Variants in OSBP2 observed in about 807,000 individuals in gnomAD.
The protein encoded by OSBP2 is oxysterol binding protein 2, also known as oxysterol-binding protein 2.
A neutral mutation model predicts 96.0 loss-of-function variants in OSBP2; 66 were observed. The ratio of observed to expected loss-of-function variants is 0.69; its 90% CI spans 0.56 to 0.84. The LOEUF (loss-of-function observed/expected upper bound fraction) is 0.84. OSBP2 is among the 40% of genes least tolerant of loss of function. The probability of loss-of-function intolerance (pLI) is 0.00; values close to 1 mark genes in which losing one functional copy is unlikely to be tolerated. For synonymous variants in OSBP2, 525 were observed against 520.9 expected, an observed-to-expected ratio of 1.01 and a Z score of -0.11; for missense variants, 1,038 against 1,222.7, an observed-to-expected ratio of 0.85 and a Z score of 2.25.
At chr22:30,887,363 G>A in intron 3 of OSBP2, 63 bp from the exon 4 acceptor site, 3 of 1,434,398 alleles carry the variant, frequency 2.1e-6, no homozygotes, top group Admixed American at 1.7e-5. Flanking sequence ...TGGTTCACAT[G>A]CCTCTGACAG....
intron 2 of OSBP2, among the ~76,000 whole-genome samples, chr22:30,745,712 T>G (rs1000115237): frequency 9.3e-6 from 1 of 107,364 alleles, no homozygotes; most frequent in Admixed American, 9.1e-5. Context: ...GTAAATGAAA[T>G]AGAGAATAGA....
At chr22:30,875,641 A>G (rs1045018932) in intron 3 of OSBP2, among the ~76,000 whole-genome samples, 2 of 152,032 alleles carry the variant, frequency 1.3e-5, no homozygotes, top group African/African-American at 4.8e-5. Flanking sequence ...CAAAGTGCTG[A>G]GATTACAGGA....
intron 2 of OSBP2, among the ~76,000 whole-genome samples, chr22:30,816,012 G>A (rs1699996410): frequency 6.6e-6 from 1 of 152,100 alleles, no homozygotes; most frequent in African/African-American, 2.4e-5. Flanking sequence ...ACAGCGCCTT[G>A]ATGAACTGAA....
intron 3 of OSBP2, among the ~76,000 whole-genome samples, chr22:30,883,065 T>C (rs557209761): frequency 9.9e-5 from 15 of 152,254 alleles, no homozygotes; most frequent in African/African-American, 3.6e-4. Flanking sequence ...TGAGAACTTG[T>C]GGATGGAGAG....
chr22:30,779,583 T>G (rs1365809553), intron 2 of OSBP2, among the ~76,000 whole-genome samples: 1 of 152,172 alleles, frequency 6.6e-6, no homozygotes, highest in Non-Finnish European at 1.5e-5. Context: ...AGCACATTCC[T>G]GCCTCAGCCA....
At chr22:30,793,177 G>A (rs762924624) in intron 2 of OSBP2, among the ~76,000 whole-genome samples, 1 of 150,494 alleles carries the variant, frequency 6.6e-6, no homozygotes, top group African/African-American at 2.4e-5. Flanking sequence ...ATCACTTGAG[G>A]TCAGGAGTTC....
At chr22:30,902,156 A>AAAAAT in intron 12 of OSBP2, 1 of 432,838 alleles carries the variant, frequency 2.3e-6, no homozygotes. Flanking sequence ...AAAAAAACAG[A>AAAAAT]GGGTCCCACG....
intron 2 of OSBP2, among the ~76,000 whole-genome samples, chr22:30,763,159 G>A (rs1184451762): frequency 6.6e-6 from 1 of 152,180 alleles, no homozygotes; most frequent in African/African-American, 2.4e-5. Context: ...AGAGATCTTG[G>A]CACACGGCTT....
chr22:30,745,774 T>C (rs2145746898), intron 2 of OSBP2, among the ~76,000 whole-genome samples: 1 of 151,524 alleles, frequency 6.6e-6, no homozygotes. Context: ...TTGAAAAGAC[T>C]GACGTAGTTG....
chr22:30,865,655 A>AAAAAG (rs1569156468), intron 2 of OSBP2, among the ~76,000 whole-genome samples: 1 of 149,186 alleles, frequency 6.7e-6, no homozygotes, highest in African/African-American at 2.4e-5. Flanking sequence ...AAAAAAAAAA[A>AAAAAG]AGACAGTTTT....
rs148039886 is a variant in OSBP2, at chr22:30,709,353, A to G, written c.644+13800A>G. ...TGGCATTTTCTTGGTGTAGGTTAAC[A>G]TGTTCCTCTCTCCTCTGTAAGGTCT... On this transcript the variant is annotated intron_variant, in intron 1 of 13. Transcript: ENST00000332585. Among the ~76,000 whole-genome samples, 291 of 152,166 alleles carry G rather than the reference A, an allele frequency of 1.9e-3. 3 individuals carry two copies. The highest frequency in any genetic ancestry group is 6.8e-3 in the African/African-American group (282 of 41,534).
chr22:30,756,803 A>T (rs2090146299), intron 2 of OSBP2, among the ~76,000 whole-genome samples: 1 of 152,162 alleles, frequency 6.6e-6, no homozygotes, highest in Non-Finnish European at 1.5e-5. Context: ...CACTCAGCTG[A>T]CGGAAGTAAC....
intron 2 of OSBP2, among the ~76,000 whole-genome samples, chr22:30,781,279 GC>G (rs1035308607): frequency 3.3e-5 from 5 of 151,932 alleles, no homozygotes; most frequent in African/African-American, 9.7e-5. Context: ...ACCACACCCG[GC>G]CGATGTTTTT....
intron 2 of OSBP2, among the ~76,000 whole-genome samples, chr22:30,741,782 C>T (rs1220122203): frequency 6.6e-6 from 1 of 152,132 alleles, no homozygotes; most frequent in African/African-American, 2.4e-5. Context: ...GAAGCCCGCT[C>T]AGATGTCCTG....
intron 2 of OSBP2, among the ~76,000 whole-genome samples, chr22:30,786,042 G>GTGTGTT (rs1417017603): frequency 6.6e-6 from 1 of 151,856 alleles, no homozygotes; most frequent in Non-Finnish European, 1.5e-5. Context: ...GTGTGTGTGT[G>GTGTGTT]TACAGAAGTC....
intron 1 of OSBP2, among the ~76,000 whole-genome samples, chr22:30,708,155 TG>T (rs1345395284): frequency 3.9e-5 from 6 of 152,126 alleles, no homozygotes; most frequent in Non-Finnish European, 5.9e-5. Context: ...CCCAAAATGC[TG>T]GGATTATAGG....
intron 1 of OSBP2, among the ~76,000 whole-genome samples, chr22:30,730,305 A>G (rs556547255): frequency 1.8e-4 from 27 of 152,294 alleles, no homozygotes; most frequent in Admixed American, 6.5e-4. Context: ...GTATAAAAGT[A>G]TAACATACAT....
At chr22:30,837,336 GGGTA>G (rs2038656807) in intron 2 of OSBP2, among the ~76,000 whole-genome samples, 1 of 152,060 alleles carries the variant, frequency 6.6e-6, no homozygotes, top group Non-Finnish European at 1.5e-5. Flanking sequence ...GTTCCACTGG[GGGTA>G]GAGAAGTGGT....
At chr22:30,822,661 TC>T in intron 2 of OSBP2, 2 of 1,533,924 alleles carry the variant, frequency 1.3e-6, no homozygotes, top group Non-Finnish European at 1.7e-6. Flanking sequence ...GGACACGGCC[TC>T]CGTGCGCTCC....
Sources: gnomAD v4.1 joint callset for allele counts (sites outside exome capture counted in the v4.1 genomes callset) on GRCh38, gnomAD v4.1.1 for gene constraint, MANE v1.5 for transcripts, NCBI Gene and HGNC (gene_info 2026-07-23, HGNC 2026-07-21) for gene names.